AGBL1: variants seen among roughly 807,000 people sequenced by gnomAD.
AGBL1 encodes the protein cytosolic carboxypeptidase 4.
In AGBL1, 130 loss-of-function variants were observed where a neutral mutation model predicts 118.9. The observed-to-expected ratio is 1.09, with a 90% confidence interval of 0.95 to 1.26. AGBL1 has a LOEUF of 1.26. AGBL1 is among the 50% of genes most tolerant of loss of function. The pLI, the probability that AGBL1 is intolerant of heterozygous loss-of-function variation, is 0.00. For missense variants in AGBL1, 1,584 were observed against 1,298.1 expected (o/e 1.22, Z -3.38); for synonymous variants, 555 against 478.9 (o/e 1.16, Z -2.08).
intron 22 of AGBL1, among the ~76,000 whole-genome samples, chr15:86,860,234 C>T (rs958015536): frequency 4.6e-5 from 7 of 152,066 alleles, no homozygotes; most frequent in African/African-American, 7.2e-5. Flanking sequence ...TTTAGGATTA[C>T]AGGAGATGAC....
intron 18 of AGBL1, among the ~76,000 whole-genome samples, chr15:86,398,672 G>T (rs533063099): frequency 1.1e-4 from 17 of 152,090 alleles, no homozygotes; most frequent in African/African-American, 3.9e-4. Flanking sequence ...AATGATGTAA[G>T]AAAGATGAAA....
At chr15:86,820,981 C>A (rs532914136) in intron 22 of AGBL1, among the ~76,000 whole-genome samples, 1 of 152,064 alleles carries the variant, frequency 6.6e-6, no homozygotes, top group Admixed American at 6.6e-5. Context: ...ACATGTACAC[C>A]GTGGAATACT....
intron 21 of AGBL1, among the ~76,000 whole-genome samples, chr15:86,569,807 C>G (rs1048063145): frequency 6.6e-6 from 1 of 152,222 alleles, no homozygotes. Context: ...AAACGCCCAT[C>G]GTAGAAAATT....
chr15:86,556,895 C>T (rs1343623134), intron 21 of AGBL1, among the ~76,000 whole-genome samples: 1 of 152,070 alleles, frequency 6.6e-6, no homozygotes, highest in African/African-American at 2.4e-5. Context: ...TAAAGTAGTT[C>T]CAATCATTTC....
At chr15:86,835,447 G>T (rs1211167359) in intron 22 of AGBL1, among the ~76,000 whole-genome samples, 7 of 152,166 alleles carry the variant, frequency 4.6e-5, no homozygotes, top group Non-Finnish European at 7.4e-5. Flanking sequence ...CTCAGTGAGA[G>T]TAAGTAAAAG....
At chr15:86,381,399 G>C (rs1393217488) in intron 17 of AGBL1, among the ~76,000 whole-genome samples, 1 of 150,192 alleles carries the variant, frequency 6.7e-6, no homozygotes, top group East Asian at 2.0e-4. Context: ...TTCATGTTTT[G>C]GAGCTGATAC....
chr15:86,293,796 A>T (rs561614565), intron 16 of AGBL1, among the ~76,000 whole-genome samples: 1 of 152,248 alleles, frequency 6.6e-6, no homozygotes, highest in South Asian at 2.1e-4. Context: ...CATTTTATTA[A>T]AAAATTCATG....
At chr15:86,674,476 G>T in intron 22 of AGBL1, 40 bp downstream of exon 22, 1 of 1,578,398 alleles carries the variant, frequency 6.3e-7, no homozygotes, top group Non-Finnish European at 8.7e-7. Flanking sequence ...TTGGACCTTG[G>T]TGGTTCCATT....
At chr15:86,789,360 G>C (rs1445304911) in intron 22 of AGBL1, among the ~76,000 whole-genome samples, 4 of 152,230 alleles carry the variant, frequency 2.6e-5, no homozygotes, top group Admixed American at 1.3e-4. Flanking sequence ...GAGATCATCT[G>C]AGACAAGTTT....
chr15:86,872,330 A>G (rs969402778), intron 22 of AGBL1, among the ~76,000 whole-genome samples: 1 of 152,260 alleles, frequency 6.6e-6, no homozygotes, highest in Non-Finnish European at 1.5e-5. Context: ...CTGATGAAAC[A>G]ATTTGAAAAT....
At chr15:86,846,665 G>A (rs1158888681) in intron 22 of AGBL1, among the ~76,000 whole-genome samples, 1 of 152,092 alleles carries the variant, frequency 6.6e-6, no homozygotes, top group East Asian at 1.9e-4. Flanking sequence ...CTGAGTAGCT[G>A]GGTCCACACG....
At chr15:86,671,347 C>A (rs1567113958) in intron 21 of AGBL1, among the ~76,000 whole-genome samples, 1 of 152,108 alleles carries the variant, frequency 6.6e-6, no homozygotes, top group South Asian at 2.1e-4. Flanking sequence ...ATGCCATGAA[C>A]CTTCTACCTT....
At chr15:86,949,855 T>G (rs1050332679) in intron 23 of AGBL1, among the ~76,000 whole-genome samples, 2 of 152,122 alleles carry the variant, frequency 1.3e-5, no homozygotes, top group African/African-American at 4.8e-5. Context: ...AATAGCATAT[T>G]TTTTCATTGG....
At chr15:86,883,254 A>G (rs2079921542) in intron 22 of AGBL1, among the ~76,000 whole-genome samples, 1 of 152,250 alleles carries the variant, frequency 6.6e-6, no homozygotes, top group Non-Finnish European at 1.5e-5. Flanking sequence ...TAGAAACACA[A>G]CATAAAATGA....
At chr15:86,649,265 C>G (rs1382069524) in intron 21 of AGBL1, among the ~76,000 whole-genome samples, 3 of 152,056 alleles carry the variant, frequency 2.0e-5, no homozygotes, top group Non-Finnish European at 2.9e-5. Flanking sequence ...TTGTGGGAGT[C>G]TTTGGAAGAT....
intron 17 of AGBL1, among the ~76,000 whole-genome samples, chr15:86,383,399 C>A (rs2081140015): frequency 6.6e-6 from 1 of 151,788 alleles, no homozygotes; most frequent in Non-Finnish European, 1.5e-5. Context: ...ACCAGCCTGA[C>A]AAACATGGTG....
In AGBL1 at chr15:86,636,796, T is replaced by C. The variant is rs1259359489; in HGVS notation, c.2995-37477T>C. Among the ~76,000 whole-genome samples, 6 of 132,496 alleles carry C rather than the reference T, an allele frequency of 4.5e-5. 1 individual carries two copies. The highest frequency in any genetic ancestry group is 1.7e-4 in the African/African-American group (6 of 35,978). 86.9% of individuals were successfully genotyped at this position (132,496 alleles called of 152,430 possible). A position where few individuals can be genotyped will look rare whatever the true frequency, so the allele number is the denominator to read the frequency against. On this transcript the variant is annotated intron_variant, in intron 21 of 22. Transcript: ENST00000614907. ...AGAAAGGCAAGAGAAGATTACCTTC[T>C]TTAATACATTTAACTGAAACACTGT... is the stretch of plus-strand genomic sequence containing the variant.
At chr15:86,695,507 A>G (rs1209557064) in intron 22 of AGBL1, among the ~76,000 whole-genome samples, 1 of 151,682 alleles carries the variant, frequency 6.6e-6, no homozygotes, top group Non-Finnish European at 1.5e-5. Flanking sequence ...GATCTTGCTA[A>G]TGGTCTATCA....
chr15:86,296,553 AG>A (rs2079646215), intron 17 of AGBL1: 1 of 152,250 alleles, frequency 6.6e-6, no homozygotes, highest in Non-Finnish European at 1.5e-5. Flanking sequence ...ATGAAGTGCT[AG>A]CCTCATTCAG....
Sources: gnomAD v4.1 joint callset for allele counts (sites outside exome capture counted in the v4.1 genomes callset) on GRCh38, gnomAD v4.1.1 for gene constraint, MANE v1.5 for transcripts, NCBI Gene and HGNC (gene_info 2026-07-23, HGNC 2026-07-21) for gene names.